ARID1B: variants seen among roughly 807,000 people sequenced by gnomAD.
ARID1B encodes AT-rich interaction domain 1B, also known as AT-rich interactive domain-containing protein 1B.
Under a neutral mutation model 212.3 loss-of-function variants are expected in ARID1B, and 30 were observed. The ratio of observed to expected loss-of-function variants is 0.14; its 90% CI spans 0.11 to 0.19. The LOEUF is 0.19. ARID1B is among the 10% of genes least tolerant of loss of function. ARID1B has a pLI of 1.00. For missense variants in ARID1B, 2,891 were observed against 3,204.0 expected (o/e 0.90, Z 2.36); for synonymous variants, 1,402 against 1,301.7 (o/e 1.08, Z -1.66).
intron 4 of ARID1B, chr6:156,940,273 A>G (rs1792569149): frequency 6.6e-6 from 1 of 152,256 alleles, no homozygotes; most frequent in South Asian, 2.1e-4. Flanking sequence ...TCATCAGGTC[A>G]TTAAAAACCT....
At chr6:156,923,075 G>A (rs1274308095) in intron 3 of ARID1B, among the ~76,000 whole-genome samples, 2 of 152,184 alleles carry the variant, frequency 1.3e-5, no homozygotes, top group African/African-American at 2.4e-5. Context: ...TTCTCAAGTT[G>A]TTGCTTTAAC....
chr6:156,870,738 A>T (rs1005034935), intron 2 of ARID1B, among the ~76,000 whole-genome samples: 2 of 152,108 alleles, frequency 1.3e-5, no homozygotes, highest in Admixed American at 1.3e-4. Flanking sequence ...TAAAAAAAAA[A>T]AAAGTCACAT....
chr6:157,144,715 C>T (rs902976616), intron 7 of ARID1B, among the ~76,000 whole-genome samples: 4 of 152,096 alleles, frequency 2.6e-5, no homozygotes, highest in African/African-American at 9.7e-5. Flanking sequence ...CTGCTCTGTG[C>T]CCACCTACCA....
intron 1 of ARID1B, among the ~76,000 whole-genome samples, chr6:156,812,157 G>A (rs150446264): frequency 1.3e-5 from 2 of 152,040 alleles, no homozygotes; most frequent in Non-Finnish European, 1.5e-5. Context: ...TTTGAAACAG[G>A]GTCTTCCTTT....
At chr6:157,042,612 A>G (rs1314246575) in intron 4 of ARID1B, among the ~76,000 whole-genome samples, 1 of 151,758 alleles carries the variant, frequency 6.6e-6, no homozygotes, top group Non-Finnish European at 1.5e-5. Flanking sequence ...AAATGATGCA[A>G]TTTATGCTAT....
intron 1 of ARID1B, among the ~76,000 whole-genome samples, chr6:156,827,703 A>ATGC (rs1782838589): frequency 6.8e-6 from 1 of 147,752 alleles, no homozygotes; most frequent in Admixed American, 6.8e-5. Flanking sequence ...GGTACTGTAC[A>ATGC]TGCTGTTCCC....
chr6:156,794,207 C>CT (rs1402770762), intron 1 of ARID1B, among the ~76,000 whole-genome samples: 4 of 152,064 alleles, frequency 2.6e-5, no homozygotes, highest in Non-Finnish European at 5.9e-5. Context: ...AAAAAGACTT[C>CT]TTTTTTGTTA....
At chr6:156,937,838 A>G (rs576775109) in intron 4 of ARID1B, 2 of 152,120 alleles carry the variant, frequency 1.3e-5, no homozygotes, top group East Asian at 3.8e-4. Context: ...AAAAGTATTT[A>G]AAGTTGTCCA....
intron 1 of ARID1B, among the ~76,000 whole-genome samples, chr6:156,795,577 A>G (rs1780309812): frequency 6.6e-6 from 1 of 152,164 alleles, no homozygotes; most frequent in Admixed American, 6.5e-5. Flanking sequence ...CAGTGAGGTT[A>G]TTTCATGACA....
chr6:156,833,452 GT>G (rs1204397985), intron 2 of ARID1B, among the ~76,000 whole-genome samples: 20 of 151,186 alleles, frequency 1.3e-4, no homozygotes, highest in Admixed American at 1.3e-3. Context: ...TTTTTCCTGA[GT>G]TTTTTTTTGT....
At chr6:156,783,684 G>A (rs1779437276) in intron 1 of ARID1B, among the ~76,000 whole-genome samples, 1 of 152,140 alleles carries the variant, frequency 6.6e-6, no homozygotes, top group African/African-American at 2.4e-5. Context: ...ATGAACATTT[G>A]TTAGGGTTCC....
intron 2 of ARID1B, among the ~76,000 whole-genome samples, chr6:156,876,427 A>G (rs1392582612): frequency 1.3e-5 from 2 of 151,958 alleles, no homozygotes; most frequent in Non-Finnish European, 2.9e-5. Context: ...TCTACCCTGG[A>G]CCACGGCCCA....
At chr6:156,795,886 A>G (rs1051815549) in intron 1 of ARID1B, among the ~76,000 whole-genome samples, 3 of 152,186 alleles carry the variant, frequency 2.0e-5, no homozygotes, top group East Asian at 1.9e-4. Context: ...TTAAAAAAAA[A>G]TTCAGTTTAG....
chr6:157,190,670 A>G lies in ARID1B; in HGVS notation c.4231+460A>G, dbSNP rs1406363124. On this transcript the variant is annotated intron_variant, in intron 15 of 19. Transcript: ENST00000636930. This position sits in a 1 kb window ranked among gnomAD's most constrained non-coding sequence, Gnocchi z 4.6. ...GCTGGGCGCTAGCTCGTGGATTGGT[A>G]AATCAGAGTCGCTGCCCACCTTCAG... Among the ~76,000 whole-genome samples, 1 of 152,236 alleles carries G rather than the reference A, an allele frequency of 6.6e-6. No homozygotes were observed. The highest frequency in any genetic ancestry group is 1.5e-5 in the Non-Finnish European group (1 of 68,054).
At chr6:156,828,460 A>T (rs934779892) in intron 1 of ARID1B, among the ~76,000 whole-genome samples, 1 of 152,052 alleles carries the variant, frequency 6.6e-6, no homozygotes, top group Non-Finnish European at 1.5e-5. Context: ...GGGCCTTTCT[A>T]CCTATTGCTT....
chr6:156,870,096 C>A (rs73574023), intron 2 of ARID1B: 22,978 of 152,166 alleles, frequency 0.15, 1,907 homozygotes, highest in Non-Finnish European at 0.18. Context: ...CCGGTTTGTT[C>A]AGGACTTGCT....
intron 7 of ARID1B, among the ~76,000 whole-genome samples, chr6:157,136,433 C>A (rs1041109053): frequency 2.0e-5 from 3 of 152,124 alleles, no homozygotes; most frequent in Non-Finnish European, 2.9e-5. Flanking sequence ...TGGTCATTGG[C>A]GGTGTTGCTT....
chr6:157,109,642 T>G (rs1208152035), intron 5 of ARID1B, among the ~76,000 whole-genome samples: 2 of 152,220 alleles, frequency 1.3e-5, no homozygotes, highest in Non-Finnish European at 2.9e-5. Context: ...CTCTGATGAT[T>G]TTTAAATTTC....
intron 2 of ARID1B, among the ~76,000 whole-genome samples, chr6:156,897,264 C>A (rs11753855): frequency 0.25 from 21,258 of 83,554 alleles, 3,639 homozygotes; most frequent in African/African-American, 0.47. Flanking sequence ...TCTTCTTCTT[C>A]TTATTATTAT....
Sources: allele counts gnomAD v4.1 joint callset (sites outside exome capture counted in the v4.1 genomes callset), GRCh38; gene constraint gnomAD v4.1.1; non-coding constraint Gnocchi (gnomAD v3.1); transcripts MANE v1.5; gene names NCBI Gene and HGNC (gene_info 2026-07-23, HGNC 2026-07-21).